Variants in MGAT4C observed in about 807,000 individuals in gnomAD.
MGAT4C encodes alpha-1,3-mannosyl-glycoprotein 4-beta-N-acetylglucosaminyltransferase C.
MGAT4C carries 19 observed loss-of-function variants against 40.1 expected under a neutral mutation model. The observed-to-expected ratio is 0.47, with a 90% CI of 0.33 to 0.70. The LOEUF (loss-of-function observed/expected upper bound fraction) is 0.70, where lower values mean the gene tolerates loss of function less well. MGAT4C is among the 30% of genes least tolerant of loss of function. The pLI, the probability that MGAT4C is intolerant of heterozygous loss-of-function variation, is 0.02. For missense variants in MGAT4C, 491 were observed against 563.2 expected (o/e 0.87, Z 1.30); for synonymous variants, 181 against 187.1 (o/e 0.97, Z 0.27).
chr12:86,707,949 T>A (rs977449470), intron 2 of MGAT4C, among the ~76,000 whole-genome samples: 1 of 152,186 alleles, frequency 6.6e-6, no homozygotes, highest in Admixed American at 6.5e-5. Context: ...AGCCTGACAA[T>A]GTGATAGAAA....
chr12:86,401,803 A>T (rs1956368440), intron 3 of MGAT4C, among the ~76,000 whole-genome samples: 1 of 152,164 alleles, frequency 6.6e-6, no homozygotes. Flanking sequence ...CAACTAAAAA[A>T]ACCATTTTGT....
intron 3 of MGAT4C, among the ~76,000 whole-genome samples, chr12:85,987,930 A>G (rs1443782722): frequency 6.6e-6 from 1 of 152,230 alleles, no homozygotes; most frequent in East Asian, 1.9e-4. Flanking sequence ...TTATTATAAA[A>G]TTGAATAATT....
chr12:86,718,865 GA>G (rs1170967712), intron 2 of MGAT4C, among the ~76,000 whole-genome samples: 3 of 151,980 alleles, frequency 2.0e-5, no homozygotes, highest in Non-Finnish European at 4.4e-5. Flanking sequence ...CCCCTCCATG[GA>G]AAAATTCTTT....
At chr12:86,566,560 A>G (rs867769683) in intron 2 of MGAT4C, among the ~76,000 whole-genome samples, 7 of 123,972 alleles carry the variant, frequency 5.6e-5, no homozygotes, top group Non-Finnish European at 8.4e-5. Context: ...ATATATATAT[A>G]TATATATATA....
At chr12:86,551,256 TTATGACCA>T (rs765475393) in intron 2 of MGAT4C, among the ~76,000 whole-genome samples, 15 of 152,186 alleles carry the variant, frequency 9.9e-5, no homozygotes, top group Non-Finnish European at 1.9e-4. Context: ...CCAAACAGAC[TTATGACCA>T]TATCCCAGGC....
intron 2 of MGAT4C, among the ~76,000 whole-genome samples, chr12:86,497,234 T>G (rs1441588117): frequency 6.6e-6 from 1 of 151,908 alleles, no homozygotes; most frequent in African/African-American, 2.4e-5. Flanking sequence ...CAAAACCAAG[T>G]TGCCACTAAG....
intron 2 of MGAT4C, among the ~76,000 whole-genome samples, chr12:86,615,517 C>G (rs576889201): frequency 2.6e-5 from 4 of 152,110 alleles, no homozygotes; most frequent in Admixed American, 6.5e-5. Flanking sequence ...CCCAAGAAAT[C>G]TAGCCTCATA....
intron 1 of MGAT4C, among the ~76,000 whole-genome samples, chr12:86,165,368 T>G (rs1027028897): frequency 1.3e-5 from 2 of 152,128 alleles, no homozygotes; most frequent in Non-Finnish European, 2.9e-5. Context: ...ACATGTAATC[T>G]AAGCATAATT....
chr12:86,582,805 C>T (rs930656385), intron 2 of MGAT4C, among the ~76,000 whole-genome samples: 14 of 151,188 alleles, frequency 9.3e-5, no homozygotes, highest in Admixed American at 6.6e-5. Flanking sequence ...GACCAAGTGA[C>T]TCCCAGACTG....
At chr12:86,072,591 GC>G (rs1187397944) in intron 1 of MGAT4C, among the ~76,000 whole-genome samples, 1 of 152,022 alleles carries the variant, frequency 6.6e-6, no homozygotes, top group Non-Finnish European at 1.5e-5. Flanking sequence ...AAACAACGAA[GC>G]AAAGGATAGA....
chr12:86,451,471 G>A (rs762791162), intron 2 of MGAT4C, among the ~76,000 whole-genome samples: 9 of 152,186 alleles, frequency 5.9e-5, no homozygotes, highest in Middle Eastern at 3.4e-3. Context: ...CTTCCTTTAA[G>A]CTCCTTTTGT....
At chr12:86,055,808 C>A (rs1419604387) in intron 1 of MGAT4C, among the ~76,000 whole-genome samples, 2 of 151,802 alleles carry the variant, frequency 1.3e-5, no homozygotes, top group Non-Finnish European at 2.9e-5. Context: ...TTCATTTGAT[C>A]TTTACTTATG....
chr12:86,337,043 T>A (rs758051219), intron 3 of MGAT4C, among the ~76,000 whole-genome samples: 1 of 152,072 alleles, frequency 6.6e-6, no homozygotes, highest in African/African-American at 2.4e-5. Context: ...GGATAGTACA[T>A]GAAGTTTTAT....
At chr12:86,256,805 A>G (rs1023744986), upstream of MGAT4C, among the ~76,000 whole-genome samples, 1 of 152,192 alleles carries the variant, frequency 6.6e-6, no homozygotes, top group Non-Finnish European at 1.5e-5. Context: ...ATTTTACAGT[A>G]CTAGCCCCTG....
intron 4 of MGAT4C, among the ~76,000 whole-genome samples, chr12:86,312,593 G>A (rs6538033): frequency 0.65 from 98,714 of 152,018 alleles, 32,864 homozygotes; most frequent in South Asian, 0.77. Context: ...GTTGAATGGT[G>A]TAAGATGAAA....
intron 1 of MGAT4C, among the ~76,000 whole-genome samples, chr12:86,223,494 C>T (rs537800504): frequency 2.6e-5 from 4 of 152,310 alleles, no homozygotes; most frequent in African/African-American, 4.8e-5. Flanking sequence ...AACCACATGA[C>T]CCACAGCTAC....
At chr12:86,571,605 C>A (rs79765580) in intron 2 of MGAT4C, among the ~76,000 whole-genome samples, 1 of 151,752 alleles carries the variant, frequency 6.6e-6, no homozygotes. Flanking sequence ...GCGTGAGTGT[C>A]TGTGTGTGTG....
At chr12:86,739,463 G>A (rs923276234) in intron 1 of MGAT4C, among the ~76,000 whole-genome samples, 2 of 150,676 alleles carry the variant, frequency 1.3e-5, no homozygotes, top group Admixed American at 1.3e-4. Context: ...TGTATATACA[G>A]TTAGCCCTCC....
intron 2 of MGAT4C, among the ~76,000 whole-genome samples, chr12:86,639,096 A>G (rs993089459): frequency 1.3e-5 from 2 of 151,788 alleles, no homozygotes; most frequent in African/African-American, 4.8e-5. Context: ...CTCAGTTTAA[A>G]TTCCAGCCTC....
Sources: allele counts gnomAD v4.1 joint callset (sites outside exome capture counted in the v4.1 genomes callset), GRCh38; gene constraint gnomAD v4.1.1; transcripts MANE v1.5; gene names NCBI Gene and HGNC (gene_info 2026-07-23, HGNC 2026-07-21).